PKD1L1: variants seen among roughly 807,000 people sequenced by gnomAD.
PKD1L1 encodes the protein polycystin 1 like 1, transient receptor potential channel interacting.
Under a neutral mutation model 323.4 loss-of-function variants are expected in PKD1L1, and 236 were observed. The observed-to-expected ratio is 0.73, with a 90% CI of 0.66 to 0.81. The LOEUF (loss-of-function observed/expected upper bound fraction) is 0.81, where lower values mean the gene tolerates loss of function less well. PKD1L1 is among the 40% of genes least tolerant of loss of function. PKD1L1 has a pLI of 0.00. For missense variants in PKD1L1, 3,320 were observed against 3,508.0 expected, an observed-to-expected ratio of 0.95 and a Z score of 1.35; for synonymous variants, 1,344 against 1,335.0, an observed-to-expected ratio of 1.01 and a Z score of -0.15.
At chr7:47,782,879 A>G (rs542785023) in intron 56 of PKD1L1, among the ~76,000 whole-genome samples, 4 of 152,334 alleles carry the variant, frequency 2.6e-5, no homozygotes, top group South Asian at 4.1e-4. Flanking sequence ...ACCAGTGGGA[A>G]CTGCTGTACT....
At chr7:47,852,533 C>T (rs1263941211) in intron 31 of PKD1L1, among the ~76,000 whole-genome samples, 1 of 152,176 alleles carries the variant, frequency 6.6e-6, no homozygotes, top group African/African-American at 2.4e-5. Context: ...GTGTAAGGCG[C>T]GTGTCTGGTG....
At chr7:47,869,824 C>T (rs1786242148) in intron 24 of PKD1L1, among the ~76,000 whole-genome samples, 1 of 152,028 alleles carries the variant, frequency 6.6e-6, no homozygotes, top group South Asian at 2.1e-4. Flanking sequence ...CTAGAATACA[C>T]CATATAGTAG....
chr7:47,914,204 A>C (rs1787381486), intron 8 of PKD1L1, among the ~76,000 whole-genome samples: 1 of 152,262 alleles, frequency 6.6e-6, no homozygotes, highest in Admixed American at 6.5e-5. Flanking sequence ...AGGCTAACTC[A>C]GATGAACATA....
chr7:47,821,074 A>G lies in PKD1L1; in HGVS notation c.6965+2T>C. On this transcript the variant is annotated splice_donor_variant, in intron 46 of 56. Transcript: ENST00000289672. LOFTEE classifies it high-confidence loss of function. ...TCTGGAAGAGTTACCCAAACCTCCT[A>G]CCTTGTAAATTCTTTCCGGATAGCT... 1 of 1,562,026 alleles carries G rather than the reference A, an allele frequency of 6.4e-7. No homozygotes were observed. The highest frequency in any genetic ancestry group is 8.8e-7 in the Non-Finnish European group (1 of 1,132,726).
At chr7:47,886,100 A>G in intron 17 of PKD1L1, 46 bp from the exon 18 acceptor site, 1 of 1,552,838 alleles carries the variant, frequency 6.4e-7, no homozygotes, top group Non-Finnish European at 8.7e-7. Flanking sequence ...GCAAAAATAT[A>G]AAATATTTGC....
At position 47,858,855 on chromosome 7, in the gene PKD1L1, TGAG is replaced by T. The variant is rs1785962299; in HGVS notation, c.4177_4179del (p.Leu1393del). The T allele has an allele frequency of 6.2e-7, 1 of 1,613,668 alleles. No homozygotes were observed. The highest frequency in any genetic ancestry group is 8.5e-7 in the Non-Finnish European group (1 of 1,179,972). On this transcript the variant is annotated inframe_deletion, in exon 27 of 57. Transcript: ENST00000289672. Reference sequence around the variant, plus strand: ...TGAGCAAGGAGTGCCCGGGTGTACTTGAGGATGAGAACCGCACTCATAAAGCCT... The same window carrying T: ...TGAGCAAGGAGTGCCCGGGTGTACTTGATGAGAACCGCACTCATAAAGCCT...
At chr7:47,873,663 A>AG (rs1786334395) in intron 24 of PKD1L1, among the ~76,000 whole-genome samples, 1 of 145,438 alleles carries the variant, frequency 6.9e-6, no homozygotes, top group Admixed American at 6.9e-5. Flanking sequence ...AAAAAAAAAA[A>AG]AAAAAAAAGA....
intron 13 of PKD1L1, 97 bp from the exon 14 acceptor site, chr7:47,898,291 A>T: frequency 9.6e-7 from 1 of 1,041,922 alleles, no homozygotes; most frequent in Non-Finnish European, 1.4e-6. Context: ...TAGATCTCCC[A>T]TTATTTGTTT....
chr7:47,880,269 TA>T (rs1786515881), intron 21 of PKD1L1, among the ~76,000 whole-genome samples: 2 of 76,744 alleles, frequency 2.6e-5, no homozygotes, highest in African/African-American at 1.3e-4. Context: ...TATATACATA[TA>T]TATATATATA....
chr7:47,899,821 T>C (rs887752996), intron 13 of PKD1L1, among the ~76,000 whole-genome samples: 1 of 152,096 alleles, frequency 6.6e-6, no homozygotes, highest in Non-Finnish European at 1.5e-5. Flanking sequence ...CCAGGTGTGG[T>C]GGCGGACGCC....
chr7:47,831,720 T>G (rs1339539616), intron 41 of PKD1L1, among the ~76,000 whole-genome samples: 1 of 152,184 alleles, frequency 6.6e-6, no homozygotes, highest in East Asian at 1.9e-4. Context: ...ACTCCTGCCT[T>G]GCTGTGCCCT....
intron 45 of PKD1L1, 53 bp downstream of exon 45, chr7:47,827,297 C>T: frequency 6.9e-7 from 1 of 1,440,890 alleles, no homozygotes; most frequent in Non-Finnish European, 9.5e-7. Context: ...GGTACTCCCT[C>T]CGAGAAGGGA....
intron 37 of PKD1L1, among the ~76,000 whole-genome samples, chr7:47,836,027 C>T (rs748168547): frequency 4.6e-5 from 7 of 152,228 alleles, no homozygotes; most frequent in Non-Finnish European, 7.3e-5. Flanking sequence ...AACATGTCGG[C>T]TTCAAAGAAG....
At chr7:47,873,649 CAAAA>C (rs57012071) in intron 24 of PKD1L1, among the ~76,000 whole-genome samples, 110 of 78,086 alleles carry the variant, frequency 1.4e-3, no homozygotes, top group Non-Finnish European at 1.8e-3. Flanking sequence ...GACTCTGTCT[CAAAA>C]AAAAAAAAAA....
intron 7 of PKD1L1, among the ~76,000 whole-genome samples, chr7:47,921,817 C>T (rs772747497): frequency 6.6e-6 from 1 of 152,232 alleles, no homozygotes; most frequent in East Asian, 1.9e-4. Flanking sequence ...TATGTTCTCA[C>T]TTATAAGTGA....
intron 14 of PKD1L1, among the ~76,000 whole-genome samples, chr7:47,895,900 C>T (rs1786925452): frequency 6.6e-6 from 1 of 152,046 alleles, no homozygotes; most frequent in Non-Finnish European, 1.5e-5. Flanking sequence ...TATTTTAAGG[C>T]TAGTGTTTGT....
At chr7:47,870,687 A>T (rs1040841558) in intron 24 of PKD1L1, among the ~76,000 whole-genome samples, 2 of 152,244 alleles carry the variant, frequency 1.3e-5, no homozygotes, top group African/African-American at 4.8e-5. Flanking sequence ...CATCCTTCAC[A>T]AAATCTTCCA....
chr7:47,922,673 G>A (rs1050356861), intron 7 of PKD1L1, among the ~76,000 whole-genome samples: 1 of 151,420 alleles, frequency 6.6e-6, no homozygotes, highest in African/African-American at 2.4e-5. Context: ...CCCTCCGCCC[G>A]GCAGCTGCCC....
chr7:47,860,003 G>A (rs1055412134), intron 26 of PKD1L1, among the ~76,000 whole-genome samples: 2 of 152,082 alleles, frequency 1.3e-5, no homozygotes, highest in South Asian at 2.1e-4. Context: ...AGTATAATAC[G>A]TCTATCACCC....
Sources: allele counts gnomAD v4.1 joint callset (sites outside exome capture counted in the v4.1 genomes callset), GRCh38; gene constraint gnomAD v4.1.1; transcripts MANE v1.5; gene names NCBI Gene and HGNC (gene_info 2026-07-23, HGNC 2026-07-21).